Variants in C2CD5 observed in about 807,000 individuals in gnomAD.
The protein encoded by C2CD5 is C2 domain-containing protein 5.
In C2CD5, 109 loss-of-function variants were observed where a neutral mutation model predicts 130.3. The observed-to-expected ratio is 0.84, with a 90% CI of 0.72 to 0.98. The LOEUF is 0.98. Ranked by LOEUF, C2CD5 falls within the 50% of genes least tolerant of loss-of-function variation. The pLI, the probability that C2CD5 is intolerant of heterozygous loss-of-function variation, is 0.00. For missense variants in C2CD5, 996 were observed against 1,261.8 expected, an observed-to-expected ratio of 0.79 and a Z score of 3.19; for synonymous variants, 454 against 429.2, an observed-to-expected ratio of 1.06 and a Z score of -0.71.
intron 10 of C2CD5, among the ~76,000 whole-genome samples, chr12:22,493,993 T>C (rs1183550884): frequency 1.3e-5 from 2 of 152,052 alleles, no homozygotes; most frequent in Non-Finnish European, 2.9e-5. Flanking sequence ...ACACTCCATG[T>C]ATTGGTCTGT....
At chr12:22,469,594 A>G in intron 22 of C2CD5, 115 bp downstream of exon 22, 2 of 545,542 alleles carry the variant, frequency 3.7e-6, no homozygotes, top group Non-Finnish European at 6.5e-6. Flanking sequence ...ACATATAATG[A>G]GGGAATGAAG....
At chr12:22,518,230 C>G in intron 7 of C2CD5, 93 bp from the exon 8 acceptor site, 1 of 1,167,778 alleles carries the variant, frequency 8.6e-7, no homozygotes, top group Non-Finnish European at 1.3e-6. Context: ...AGAATTGGGG[C>G]AGGGCCAGCA....
chr12:22,478,266 A>G (rs577338062), intron 15 of C2CD5, 47 bp downstream of exon 15: 1 of 1,475,682 alleles, frequency 6.8e-7, no homozygotes, highest in Admixed American at 1.7e-5. Context: ...AAAATATACT[A>G]ATAAACAATA....
intron 26 of C2CD5, among the ~76,000 whole-genome samples, chr12:22,451,065 A>C (rs1187891266): frequency 6.6e-6 from 1 of 151,836 alleles, no homozygotes; most frequent in African/African-American, 2.4e-5. Context: ...CACACTCTGG[A>C]GTGTTACATC....
intron 10 of C2CD5, chr12:22,502,656 T>C: frequency 1.4e-6 from 1 of 711,880 alleles, no homozygotes; most frequent in Admixed American, 2.4e-5. Context: ...TTAAACCTAC[T>C]TCATCTAGAA....
chr12:22,525,947 C>T (rs964031631), intron 4 of C2CD5, among the ~76,000 whole-genome samples: 4 of 152,124 alleles, frequency 2.6e-5, no homozygotes, highest in African/African-American at 9.7e-5. Flanking sequence ...TTCTGTCCAA[C>T]TGTAGGCTAA....
At chr12:22,451,091 A>T (rs1938499772) in intron 26 of C2CD5, among the ~76,000 whole-genome samples, 1 of 144,944 alleles carries the variant, frequency 6.9e-6, no homozygotes. Flanking sequence ...AAGTTACCAT[A>T]AAAAAAAAAA....
intron 14 of C2CD5, among the ~76,000 whole-genome samples, chr12:22,479,025 G>A (rs754190337): frequency 2.0e-5 from 3 of 151,914 alleles, no homozygotes; most frequent in African/African-American, 2.4e-5. Context: ...TACGAAATGC[G>A]GATTTACTTT....
chr12:22,520,802 A>C (rs1330878198), intron 7 of C2CD5, among the ~76,000 whole-genome samples: 3 of 152,130 alleles, frequency 2.0e-5, no homozygotes, highest in Non-Finnish European at 4.4e-5. Context: ...AAAACACCAA[A>C]GGGATTTATA....
At chr12:22,526,246 A>G (rs992865700) in intron 4 of C2CD5, among the ~76,000 whole-genome samples, 1 of 152,178 alleles carries the variant, frequency 6.6e-6, no homozygotes, top group South Asian at 2.1e-4. Flanking sequence ...GACTAATTAG[A>G]AAGGAGTCCC....
intron 22 of C2CD5, among the ~76,000 whole-genome samples, chr12:22,469,045 T>A (rs1046534881): frequency 6.6e-6 from 1 of 152,194 alleles, no homozygotes; most frequent in African/African-American, 2.4e-5. Context: ...ATTTTAAATT[T>A]TTTTGTAATA....
Position 22,541,887 on chromosome 12 carries a change from C to T in C2CD5, c.90+2174G>A, listed in dbSNP as rs1952422427. On this transcript the variant is annotated intron_variant, in intron 2 of 26. Transcript: ENST00000446597. ...AAGGAACCAAGTCTGTCTTATTCAC[C>T]ATGTATATACATCGGCTAGACCAGT... Among the ~76,000 whole-genome samples, 3 of 152,120 alleles carry T rather than the reference C, an allele frequency of 2.0e-5. No individual in the cohort carries two copies. The South Asian group carries it at 6.2e-4, about 32-fold the overall frequency.
chr12:22,511,791 T>G lies in C2CD5; in HGVS notation c.1038+1503A>C, dbSNP rs1591923724. Among the ~76,000 whole-genome samples, 3 of 152,322 alleles carry G rather than the reference T, an allele frequency of 2.0e-5. No individual in the cohort carries two copies. The East Asian group carries it at 5.8e-4, about 29-fold the overall frequency. ...ACAGGCACAACATACAAGTAAAATCTTATTATATCGAATTTCAAGGGAACC... is the reference window on the plus strand; with the variant it reads ...ACAGGCACAACATACAAGTAAAATCGTATTATATCGAATTTCAAGGGAACC... On this transcript the variant is annotated intron_variant, in intron 9 of 26. Transcript: ENST00000446597.
chr12:22,458,744 A>C (rs1940489190), intron 23 of C2CD5, 159 bp from the exon 24 acceptor site: 5 of 367,718 alleles, frequency 1.4e-5, no homozygotes, highest in Non-Finnish European at 2.4e-5. Context: ...TAAAGAGTCA[A>C]GCTTTAGACA....
intron 22 of C2CD5, among the ~76,000 whole-genome samples, chr12:22,462,090 C>T (rs188990246): frequency 6.6e-6 from 1 of 152,196 alleles, no homozygotes; most frequent in African/African-American, 2.4e-5. Flanking sequence ...CAGATACATG[C>T]AGTCTGGCTC....
intron 10 of C2CD5, among the ~76,000 whole-genome samples, chr12:22,499,659 T>C (rs1947500129): frequency 6.6e-6 from 1 of 152,134 alleles, no homozygotes; most frequent in Non-Finnish European, 1.5e-5. Flanking sequence ...CACCCTATAG[T>C]CAATGATCTA....
intron 16 of C2CD5, among the ~76,000 whole-genome samples, chr12:22,473,916 A>G (rs1046866710): frequency 6.6e-6 from 1 of 152,060 alleles, no homozygotes; most frequent in Non-Finnish European, 1.5e-5. Flanking sequence ...AAATGTGGGG[A>G]AAAAGTGGGG....
intron 11 of C2CD5, among the ~76,000 whole-genome samples, chr12:22,491,009 T>C (rs1225521251): frequency 6.6e-6 from 1 of 152,114 alleles, no homozygotes; most frequent in African/African-American, 2.4e-5. Flanking sequence ...AAAGTGTAGG[T>C]AGGAATTAAG....
chr12:22,513,405 C>T, intron 8 of C2CD5, 26 bp from the exon 9 acceptor site: 1 of 1,485,396 alleles, frequency 6.7e-7, no homozygotes, highest in Non-Finnish European at 9.4e-7. Flanking sequence ...ACATAAATAA[C>T]AACCAAAAAA....
Sources: allele counts gnomAD v4.1 joint callset (sites outside exome capture counted in the v4.1 genomes callset), GRCh38; gene constraint gnomAD v4.1.1; transcripts MANE v1.5; gene names NCBI Gene and HGNC (gene_info 2026-07-23, HGNC 2026-07-21).